Variants in CELF2 observed in about 807,000 individuals in gnomAD.
CELF2 encodes the protein CUG triplet repeat RNA-binding protein 2.
CELF2 carries 8 observed loss-of-function variants against 62.6 expected under a neutral mutation model. The observed-to-expected ratio is 0.13, with a 90% CI of 0.07 to 0.23. The LOEUF is 0.23. Among genes scored for constraint, CELF2 ranks in the 10% least tolerant of loss-of-function variants. The probability of loss-of-function intolerance (pLI) is 1.00; values close to 1 mark genes in which losing one functional copy is unlikely to be tolerated. For synonymous variants in CELF2, 258 were observed against 250.0 expected, an observed-to-expected ratio of 1.03 and a Z score of -0.30; for missense variants, 333 against 671.0, an observed-to-expected ratio of 0.50 and a Z score of 5.56.
At chr10:11,086,474 A>G (rs1277500788) in intron 1 of CELF2, among the ~76,000 whole-genome samples, 1 of 151,460 alleles carries the variant, frequency 6.6e-6, no homozygotes, top group East Asian at 2.0e-4. Flanking sequence ...AAAGTAAAAT[A>G]GCATCATTGA....
At chr10:10,662,300 C>T in the CELF2 span, among the ~76,000 whole-genome samples, 1 of 152,230 alleles carries the variant, frequency 6.6e-6, no homozygotes, top group African/African-American at 2.4e-5. Context: ...CTTCAGGGCT[C>T]AGATCCAGTG....
intron 2 of CELF2, among the ~76,000 whole-genome samples, chr10:10,953,008 C>T (rs1424001316): frequency 6.6e-6 from 1 of 152,186 alleles, no homozygotes; most frequent in Non-Finnish European, 1.5e-5. Flanking sequence ...ATAATGGAAA[C>T]ACAGTCATAA....
At chr10:10,927,747 T>G (rs1387426234) in intron 2 of CELF2, among the ~76,000 whole-genome samples, 1 of 152,164 alleles carries the variant, frequency 6.6e-6, no homozygotes, top group Non-Finnish European at 1.5e-5. Context: ...ATCTTCACTT[T>G]GTCTACTTTC....
chr10:11,317,463 A>G (rs1336082530), intron 10 of CELF2: 1 of 152,256 alleles, frequency 6.6e-6, no homozygotes, highest in East Asian at 1.9e-4. Flanking sequence ...CTTCTCATTT[A>G]TCAGCTTGCA....
intron 2 of CELF2, among the ~76,000 whole-genome samples, chr10:10,963,478 T>G (rs2049780827): frequency 1.3e-5 from 2 of 152,202 alleles, no homozygotes; most frequent in South Asian, 4.1e-4. Context: ...GGTTAGAGCT[T>G]TCCGTGAAAT....
chr10:11,271,793 T>C (rs2138669294), intron 7 of CELF2, among the ~76,000 whole-genome samples: 1 of 152,304 alleles, frequency 6.6e-6, no homozygotes, highest in Admixed American at 6.5e-5. Flanking sequence ...ATCCCTCTTG[T>C]GATCCTGTCA....
chr10:10,850,160 A>T (rs894479269), intron 1 of CELF2, among the ~76,000 whole-genome samples: 2 of 152,150 alleles, frequency 1.3e-5, no homozygotes, highest in African/African-American at 4.8e-5. Flanking sequence ...AAAATAAAAA[A>T]ATTAAAAAAT....
At chr10:10,716,149 T>C in the CELF2 span, among the ~76,000 whole-genome samples, 884 of 152,340 alleles carry the variant, frequency 5.8e-3, 3 homozygotes, top group Non-Finnish European at 8.1e-3. Context: ...CCGTCAGCAA[T>C]TGAGAGCCAT....
At chr10:10,777,005 G>C in the CELF2 span, among the ~76,000 whole-genome samples, 119 of 152,232 alleles carry the variant, frequency 7.8e-4, no homozygotes, top group African/African-American at 2.6e-3. Context: ...CTCTTTTCTG[G>C]AGTTCCATGG....
At chr10:10,805,149 G>A (rs890824713) in intron 1 of CELF2, among the ~76,000 whole-genome samples, 1 of 152,188 alleles carries the variant, frequency 6.6e-6, no homozygotes, top group Non-Finnish European at 1.5e-5. Context: ...AGTAGGTAGT[G>A]GTTCTTTTGC....
chr10:11,006,050 A>T (rs1367453360), intron 1 of CELF2, among the ~76,000 whole-genome samples: 7 of 152,170 alleles, frequency 4.6e-5, no homozygotes. Flanking sequence ...TCTCTCACAT[A>T]CCAGGAAGGA....
At chr10:10,795,056 G>A (rs950371987), upstream of CELF2, 2 of 152,110 alleles carry the variant, frequency 1.3e-5, no homozygotes, top group African/African-American at 4.8e-5. Flanking sequence ...TTGGATGGAG[G>A]AGGTACAAAC....
At position 11,012,543 on chromosome 10, in the gene CELF2, C is replaced by G. The variant is rs1725882130; in HGVS notation, c.53+7103C>G. Among the ~76,000 whole-genome samples the G allele has an allele frequency of 1.3e-5, 2 of 152,186 alleles. No homozygotes were observed. The highest frequency in any genetic ancestry group is 2.1e-4 in the South Asian group (1 of 4,824). ...ACATCCATTTCTCTTCCTTTCACCC[C>G]ACCTGTTGCTGCCTTCTCCGGGACC... On this transcript the variant is annotated intron_variant, in intron 1 of 12. Coordinates refer to the CELF2 transcript ENST00000416382. The surrounding 1 kb of genome is among the most constrained non-coding windows in gnomAD (Gnocchi z 5.5).
chr10:10,653,861 T>A, the CELF2 span, among the ~76,000 whole-genome samples: 1 of 150,366 alleles, frequency 6.7e-6, no homozygotes, highest in African/African-American at 2.5e-5. Flanking sequence ...AAGAAATAAC[T>A]AAAATCAGAG....
chr10:10,835,081 G>C (rs1452447734), intron 1 of CELF2, among the ~76,000 whole-genome samples: 1 of 152,054 alleles, frequency 6.6e-6, no homozygotes, highest in African/African-American at 2.4e-5. Flanking sequence ...TGCCTGACTG[G>C]AGCATTAGCC....
chr10:10,525,261 C>T, the CELF2 span, among the ~76,000 whole-genome samples: 1 of 152,124 alleles, frequency 6.6e-6, no homozygotes, highest in African/African-American at 2.4e-5. Flanking sequence ...AACATTATAC[C>T]CTAGACCAAG....
intron 1 of CELF2, among the ~76,000 whole-genome samples, chr10:11,079,883 A>G (rs2073472224): frequency 6.6e-6 from 1 of 152,186 alleles, no homozygotes; most frequent in Admixed American, 6.5e-5. Context: ...AGTAGAGTGC[A>G]AACAGCAATA....
At chr10:11,168,443 A>C (rs902782932) in intron 2 of CELF2, among the ~76,000 whole-genome samples, 1 of 152,210 alleles carries the variant, frequency 6.6e-6, no homozygotes. Flanking sequence ...AGAGAGAGCA[A>C]CAGCCCCCAC....
rs756107061 is a variant in CELF2 at position 11,280,921 on chromosome 10, C to T, written c.841+5801C>T. Among the ~76,000 whole-genome samples the T allele has an allele frequency of 2.0e-5, 3 of 151,998 alleles. No individual in the cohort carries two copies. Among genetic ancestry groups the T allele is most frequent in the Non-Finnish European group, 2.9e-5 (2 of 68,016 alleles). On this transcript the variant is annotated intron_variant, in intron 8 of 12. Transcript: ENST00000633077. The surrounding 1 kb of genome is among the most constrained non-coding windows in gnomAD (Gnocchi z 7.6). The stretch of plus-strand genomic sequence containing the variant: ...TTGACACCTGTGCCCAGGAAGGTAG[C>T]TAAGAATGGAGGAGCTCGGGCTCGC...
Sources: gnomAD v4.1 joint callset for allele counts (sites outside exome capture counted in the v4.1 genomes callset) on GRCh38, gnomAD v4.1.1 for gene constraint, Gnocchi (gnomAD v3.1) non-coding constraint, MANE v1.5 for transcripts, NCBI Gene and HGNC (gene_info 2026-07-23, HGNC 2026-07-21) for gene names.